Variants in ACER2 observed in about 807,000 individuals in gnomAD.
ACER2 encodes the protein alkaline ceramidase 2, also known as alkCDase 2.
A neutral mutation model predicts 34.7 loss-of-function variants in ACER2; 26 were observed. That is an observed-to-expected ratio of 0.75 (90% CI 0.55 to 1.04). The LOEUF (loss-of-function observed/expected upper bound fraction) is 1.04. ACER2 is among the 50% of genes least tolerant of loss of function. The probability of loss-of-function intolerance (pLI) is 0.00; values close to 1 mark genes in which losing one functional copy is unlikely to be tolerated. For missense variants in ACER2, 352 were observed against 340.8 expected, an observed-to-expected ratio of 1.03 and a Z score of -0.26; for synonymous variants, 138 against 132.1, an observed-to-expected ratio of 1.04 and a Z score of -0.31.
intron 4 of ACER2, among the ~76,000 whole-genome samples, chr9:19,438,526 G>C (rs552820198): frequency 3.2e-4 from 49 of 152,316 alleles, no homozygotes; most frequent in Admixed American, 6.5e-4. Flanking sequence ...GCCAACTCTG[G>C]ATGTTAACAC....
At chr9:19,415,297 C>T (rs1165569074) in intron 1 of ACER2, among the ~76,000 whole-genome samples, 1 of 152,064 alleles carries the variant, frequency 6.6e-6, no homozygotes, top group African/African-American at 2.4e-5. Flanking sequence ...TCAAGACCAG[C>T]CTGGCCAACA....
At chr9:19,430,187 T>C (rs1037308338) in intron 3 of ACER2, among the ~76,000 whole-genome samples, 34 of 150,376 alleles carry the variant, frequency 2.3e-4, no homozygotes, top group Non-Finnish European at 3.6e-4. Context: ...AAAGCTTTAC[T>C]TTGGTTAAAA....
chr9:19,444,844 G>A (rs367692545), intron 4 of ACER2, among the ~76,000 whole-genome samples: 11 of 152,236 alleles, frequency 7.2e-5, no homozygotes, highest in East Asian at 1.9e-4. Context: ...CCATGTCATC[G>A]GCCTCTATTC....
chr9:19,416,176 TCCG>T (rs954422372), intron 1 of ACER2, among the ~76,000 whole-genome samples: 1 of 152,146 alleles, frequency 6.6e-6, no homozygotes, highest in Non-Finnish European at 1.5e-5. Context: ...ACTCCCTTGA[TCCG>T]CCTTCATCTG....
intron 3 of ACER2, among the ~76,000 whole-genome samples, chr9:19,425,433 T>C (rs1830533343): frequency 6.6e-6 from 1 of 152,212 alleles, no homozygotes; most frequent in Admixed American, 6.5e-5. Context: ...TGTGTTAGGG[T>C]TATACAGGTA....
At chr9:19,425,337 A>G (rs1830530451) in intron 3 of ACER2, among the ~76,000 whole-genome samples, 1 of 152,290 alleles carries the variant, frequency 6.6e-6, no homozygotes, top group South Asian at 2.1e-4. Flanking sequence ...GTGCGCGTGC[A>G]CACACACACA....
At chr9:19,416,448 G>A (rs1830242349) in intron 1 of ACER2, among the ~76,000 whole-genome samples, 1 of 152,182 alleles carries the variant, frequency 6.6e-6, no homozygotes, top group African/African-American at 2.4e-5. Context: ...TCTCTGACTT[G>A]AGCCAGCCCT....
At chr9:19,424,872 C>T (rs1455240324) in intron 3 of ACER2, 31 bp downstream of exon 3, 1 of 1,613,344 alleles carries the variant, frequency 6.2e-7, no homozygotes, top group Non-Finnish European at 8.5e-7. Context: ...ATTGCATTTA[C>T]CACTAGGTGC....
At chr9:19,449,791 C>T (rs899268894) in intron 5 of ACER2, among the ~76,000 whole-genome samples, 2 of 150,088 alleles carry the variant, frequency 1.3e-5, no homozygotes, top group East Asian at 3.9e-4. Context: ...ACTTGGGAGG[C>T]TGAGGCAGGA....
At chr9:19,430,563 C>T (rs527659377) in intron 3 of ACER2, among the ~76,000 whole-genome samples, 25 of 152,288 alleles carry the variant, frequency 1.6e-4, no homozygotes, top group Admixed American at 9.2e-4. Flanking sequence ...TTACTTCTCC[C>T]GGCTGCTTGT....
chr9:19,429,762 C>T (rs1431802564), intron 3 of ACER2, among the ~76,000 whole-genome samples: 1 of 152,152 alleles, frequency 6.6e-6, no homozygotes, highest in African/African-American at 2.4e-5. Flanking sequence ...TGCTAGCATT[C>T]TTCCTGGATG....
chr9:19,424,166 T>A (rs1830492780), intron 2 of ACER2, among the ~76,000 whole-genome samples, 190 bp downstream of exon 2: 1 of 152,230 alleles, frequency 6.6e-6, no homozygotes, highest in Non-Finnish European at 1.5e-5. Flanking sequence ...TACTGTCACT[T>A]GCGTGCATTT....
At chr9:19,417,775 T>C (rs900529539) in intron 1 of ACER2, among the ~76,000 whole-genome samples, 3 of 152,160 alleles carry the variant, frequency 2.0e-5, no homozygotes, top group Admixed American at 6.5e-5. Context: ...ACCTAGGCTA[T>C]ACCATTCAGG....
chr9:19,435,451 G>GT (rs1426398522), intron 4 of ACER2, among the ~76,000 whole-genome samples: 2 of 152,204 alleles, frequency 1.3e-5, no homozygotes, highest in Non-Finnish European at 2.9e-5. Context: ...AAGTGAGTTT[G>GT]TATCTATAAG....
At chr9:19,424,046 C>G in intron 2 of ACER2, 70 bp downstream of exon 2, 1 of 1,236,496 alleles carries the variant, frequency 8.1e-7, no homozygotes, top group South Asian at 1.2e-5. Flanking sequence ...ATTCCACACA[C>G]TTCCTCTCCC....
chr9:19,409,792 C>G (rs1830033389), intron 1 of ACER2: 5 of 985,108 alleles, frequency 5.1e-6, no homozygotes, highest in Admixed American at 6.2e-5. Context: ...CTTGTGCAAG[C>G]CGCTAATTCA....
At chr9:19,426,190 C>T (rs550324136) in intron 3 of ACER2, among the ~76,000 whole-genome samples, 17 of 151,228 alleles carry the variant, frequency 1.1e-4, no homozygotes, top group Non-Finnish European at 2.4e-4. Flanking sequence ...GAGGAACAGC[C>T]GCTTTTACCT....
At chr9:19,434,646 G>C (rs905823779) in intron 3 of ACER2, among the ~76,000 whole-genome samples, 2 of 152,220 alleles carry the variant, frequency 1.3e-5, no homozygotes, top group Admixed American at 6.5e-5. Context: ...GGCGGTGCGC[G>C]CCTGCAATTG....
At chr9:19,439,115 T>A (rs1488569293) in intron 4 of ACER2, among the ~76,000 whole-genome samples, 1 of 152,210 alleles carries the variant, frequency 6.6e-6, no homozygotes, top group African/African-American at 2.4e-5. Flanking sequence ...AATAATTACA[T>A]AAGAAATAAT....
Sources: gnomAD v4.1 joint callset for allele counts (sites outside exome capture counted in the v4.1 genomes callset) on GRCh38, gnomAD v4.1.1 for gene constraint, MANE v1.5 for transcripts, NCBI Gene and HGNC (gene_info 2026-07-23, HGNC 2026-07-21) for gene names.